Variants in CADM2 observed in about 807,000 individuals in gnomAD.
CADM2 encodes immunoglobulin superfamily member 4D.
Under a neutral mutation model 49.8 loss-of-function variants are expected in CADM2, and 12 were observed. That is an observed-to-expected ratio of 0.24 (90% confidence interval 0.15 to 0.39). The LOEUF (loss-of-function observed/expected upper bound fraction) is 0.39. Ranked by LOEUF, CADM2 falls within the 10% of genes least tolerant of loss-of-function variation. CADM2 has a pLI of 1.00. For synonymous variants in CADM2, 214 were observed against 175.4 expected (o/e 1.22, Z -1.74); for missense variants, 378 against 492.3 (o/e 0.77, Z 2.20).
At chr3:85,949,934 T>C (rs577852173) in intron 7 of CADM2, among the ~76,000 whole-genome samples, 12 of 151,220 alleles carry the variant, frequency 7.9e-5, no homozygotes, top group African/African-American at 2.7e-4. Context: ...TTCTGATTGA[T>C]TAGGATGCTT....
chr3:85,721,517 T>C (rs980013892), intron 1 of CADM2, among the ~76,000 whole-genome samples: 2 of 152,040 alleles, frequency 1.3e-5, no homozygotes, highest in Non-Finnish European at 1.5e-5. Context: ...GAGGGGTGTA[T>C]GTGTGAGATG....
chr3:85,117,542 T>C (rs1213571741), intron 1 of CADM2, among the ~76,000 whole-genome samples: 2 of 152,064 alleles, frequency 1.3e-5, no homozygotes, highest in East Asian at 1.9e-4. Context: ...AGCCTCAGGG[T>C]GTTTTGATTT....
At chr3:85,457,849 C>T (rs2038062013) in intron 1 of CADM2, among the ~76,000 whole-genome samples, 1 of 152,092 alleles carries the variant, frequency 6.6e-6, no homozygotes, top group African/African-American at 2.4e-5. Flanking sequence ...ATTTTGGACA[C>T]TTTTTTTAGG....
chr3:85,423,019 G>A (rs1373198729), intron 1 of CADM2, among the ~76,000 whole-genome samples: 5 of 152,270 alleles, frequency 3.3e-5, no homozygotes, highest in African/African-American at 7.2e-5. Flanking sequence ...GGACTTGAAG[G>A]AAGGTGAATG....
chr3:85,544,813 C>T (rs935210112), intron 1 of CADM2, among the ~76,000 whole-genome samples: 2 of 133,698 alleles, frequency 1.5e-5, no homozygotes, highest in South Asian at 4.9e-4. Context: ...TAATATGCTA[C>T]ATGTGTTCAA....
chr3:85,625,952 A>T (rs1310920505), intron 1 of CADM2, among the ~76,000 whole-genome samples: 2 of 152,148 alleles, frequency 1.3e-5, no homozygotes, highest in East Asian at 3.9e-4. Context: ...AATTTTGGAA[A>T]ATCATGTATA....
At chr3:85,365,209 T>G (rs1476761863) in intron 1 of CADM2, among the ~76,000 whole-genome samples, 2 of 149,120 alleles carry the variant, frequency 1.3e-5, no homozygotes, top group African/African-American at 4.9e-5. Context: ...CTTTTTTTTT[T>G]TTTTTAGATA....
At chr3:85,735,525 G>A (rs2068098454) in intron 2 of CADM2, among the ~76,000 whole-genome samples, 1 of 152,178 alleles carries the variant, frequency 6.6e-6, no homozygotes, top group South Asian at 2.1e-4. Flanking sequence ...TTCAGCAGAA[G>A]AGAAATGTGC....
chr3:85,967,049 T>C (rs1725567437), intron 8 of CADM2, among the ~76,000 whole-genome samples: 1 of 151,688 alleles, frequency 6.6e-6, no homozygotes, highest in Non-Finnish European at 1.5e-5. Context: ...ATCAATAAGA[T>C]TGCTACTTTC....
At position 85,928,408 on chromosome 3, in the gene CADM2, C is replaced by T. The variant is rs1029922003; in HGVS notation, c.701-7359C>T. On this transcript the variant is annotated intron_variant, in intron 6 of 9. Coordinates refer to ENST00000383699, the MANE Select transcript of CADM2 (RefSeq NM_001167675.2). Reference sequence around the variant, plus strand: ...TCCTGACCTCATGATCCGTCCACCTCGGCCTCCGAAAGTGCTGGGATTACA... The same window carrying T: ...TCCTGACCTCATGATCCGTCCACCTTGGCCTCCGAAAGTGCTGGGATTACA... 9.9e-5 allele frequency among the ~76,000 whole-genome samples: 15 copies of T among 152,210 alleles called. No individual in the cohort carries two copies. The Middle Eastern group carries it at 0.01, about 104-fold the overall frequency.
intron 1 of CADM2, among the ~76,000 whole-genome samples, chr3:85,323,206 A>T (rs2044662361): frequency 6.6e-6 from 1 of 152,176 alleles, no homozygotes; most frequent in Admixed American, 6.5e-5. Context: ...ACCTGGACTC[A>T]TTCCACTGAA....
chr3:85,493,618 A>C (rs932873249), intron 1 of CADM2, among the ~76,000 whole-genome samples: 2 of 152,144 alleles, frequency 1.3e-5, no homozygotes, highest in African/African-American at 2.4e-5. Context: ...ATGTCTTTTT[A>C]TTCTACTAGA....
chr3:85,797,005 A>T (rs930365197), intron 2 of CADM2, among the ~76,000 whole-genome samples: 5 of 151,826 alleles, frequency 3.3e-5, no homozygotes, highest in African/African-American at 1.2e-4. Context: ...TGAGCAGGAG[A>T]ATCACTTGAA....
At chr3:85,093,743 C>G (rs988340594) in intron 1 of CADM2, among the ~76,000 whole-genome samples, 14 of 152,024 alleles carry the variant, frequency 9.2e-5, no homozygotes, top group Admixed American at 3.9e-4. Context: ...ACATTAAGTC[C>G]TACATCCACT....
intron 1 of CADM2, among the ~76,000 whole-genome samples, chr3:85,197,901 A>G (rs1275608788): frequency 6.6e-6 from 1 of 151,790 alleles, no homozygotes; most frequent in Non-Finnish European, 1.5e-5. Flanking sequence ...CAGGTCATGG[A>G]TTCATCATTC....
At chr3:85,847,620 TTTAGAGTACCTA>T (rs2074936123) in intron 3 of CADM2, among the ~76,000 whole-genome samples, 1 of 152,160 alleles carries the variant, frequency 6.6e-6, no homozygotes, top group Non-Finnish European at 1.5e-5. Context: ...ACATATTTGC[TTTAGAGTACCTA>T]TTAGCACACT....
chr3:85,063,188 T>G (rs2107450723), intron 1 of CADM2, among the ~76,000 whole-genome samples: 1 of 152,074 alleles, frequency 6.6e-6, no homozygotes, highest in East Asian at 1.9e-4. Context: ...TAAAACTAAT[T>G]TAATCTCTGT....
At chr3:85,321,101 TATATATATATATATA>T (rs2044589885) in intron 1 of CADM2, among the ~76,000 whole-genome samples, 1 of 33,532 alleles carries the variant, frequency 3.0e-5, no homozygotes. Flanking sequence ...CATATATATA[TATATATATATATATA>T]TTTTTTTTTT....
intron 1 of CADM2, among the ~76,000 whole-genome samples, chr3:85,004,847 T>C (rs1046585731): frequency 6.6e-6 from 1 of 152,158 alleles, no homozygotes; most frequent in African/African-American, 2.4e-5. Flanking sequence ...TCCATGATCA[T>C]CCATTTTGTC....
Sources: allele counts gnomAD v4.1 joint callset (sites outside exome capture counted in the v4.1 genomes callset), GRCh38; gene constraint gnomAD v4.1.1; transcripts MANE v1.5; gene names NCBI Gene and HGNC (gene_info 2026-07-23, HGNC 2026-07-21).